Variants in SIK3 observed in about 807,000 individuals in gnomAD.
The protein encoded by SIK3 is SIK family kinase 3, also known as serine/threonine-protein kinase SIK3.
In SIK3, 28 loss-of-function variants were observed where a neutral mutation model predicts 144.2. That is an observed-to-expected ratio of 0.19 (90% confidence interval 0.14 to 0.27). The LOEUF is 0.27. SIK3 is among the 10% of genes least tolerant of loss of function. The pLI is 1.00. For synonymous variants in SIK3, 686 were observed against 676.3 expected (o/e 1.01, Z -0.22); for missense variants, 1,319 against 1,776.0 (o/e 0.74, Z 4.62).
intron 6 of SIK3, among the ~76,000 whole-genome samples, chr11:116,879,769 T>C (rs1008755157): frequency 1.8e-4 from 27 of 152,362 alleles, no homozygotes; most frequent in African/African-American, 6.5e-4. Flanking sequence ...CTCAAAGACT[T>C]CTACATTCCT....
intron 1 of SIK3, among the ~76,000 whole-genome samples, chr11:117,070,643 G>T (rs1375802248): frequency 6.6e-6 from 1 of 151,464 alleles, no homozygotes; most frequent in African/African-American, 2.4e-5. Flanking sequence ...ACAGGGTTTC[G>T]CCATGTTGGC....
At chr11:117,001,370 G>GTTTC (rs1448109074) in intron 1 of SIK3, among the ~76,000 whole-genome samples, 1 of 152,156 alleles carries the variant, frequency 6.6e-6, no homozygotes, top group East Asian at 1.9e-4. Context: ...GCCAGGCATG[G>GTTTC]CGGTGTGCAC....
At chr11:116,977,247 C>A (rs1274405557) in intron 1 of SIK3, among the ~76,000 whole-genome samples, 1 of 136,926 alleles carries the variant, frequency 7.3e-6, no homozygotes, top group Non-Finnish European at 1.6e-5. Context: ...TCCCTCCCTC[C>A]CTTCCTTCCT....
In SIK3 at chr11:117,070,734, C is replaced by T. The variant is rs553996899; in HGVS notation, c.273+27409G>A. Among the ~76,000 whole-genome samples the T allele has an allele frequency of 3.3e-5, 5 of 151,162 alleles. No individual in the cohort carries two copies. The South Asian group carries it at 8.4e-4, about 25-fold the overall frequency. Reference sequence around the variant, plus strand: ...GTGCTGGGGTTACAGGTGTGAGCCACTGCGCCCGGCCCTTTTTCTTTTTTT... The same window carrying T: ...GTGCTGGGGTTACAGGTGTGAGCCATTGCGCCCGGCCCTTTTTCTTTTTTT... On this transcript the variant is annotated intron_variant, in intron 1 of 24. Transcript: ENST00000445177.
intron 4 of SIK3, among the ~76,000 whole-genome samples, chr11:116,902,695 T>C (rs550801548): frequency 3.6e-4 from 55 of 152,314 alleles, no homozygotes; most frequent in African/African-American, 9.6e-4. Context: ...AATCCTCTAG[T>C]CTCAGAAACC....
At chr11:116,940,849 CAG>C (rs1369770613) in intron 3 of SIK3, among the ~76,000 whole-genome samples, 2 of 145,954 alleles carry the variant, frequency 1.4e-5, no homozygotes, top group African/African-American at 2.5e-5. Flanking sequence ...ATTAAGAAAA[CAG>C]AACAAAAAAT....
At chr11:117,046,256 G>T (rs1364641145) in intron 1 of SIK3, among the ~76,000 whole-genome samples, 1 of 152,190 alleles carries the variant, frequency 6.6e-6, no homozygotes, top group Non-Finnish European at 1.5e-5. Context: ...AAAATACCAT[G>T]ACACAATTAA....
At chr11:117,027,655 T>C (rs1039497599) in intron 1 of SIK3, among the ~76,000 whole-genome samples, 6 of 151,952 alleles carry the variant, frequency 3.9e-5, no homozygotes, top group African/African-American at 9.6e-5. Flanking sequence ...TTAGTAGAGA[T>C]GGGGTTTCAC....
intron 6 of SIK3, among the ~76,000 whole-genome samples, chr11:116,885,066 A>G (rs1944745178): frequency 6.6e-6 from 1 of 152,252 alleles, no homozygotes; most frequent in Admixed American, 6.5e-5. Flanking sequence ...ATTTAACTAT[A>G]AATTCCAACC....
At chr11:116,882,026 T>C (rs1404201746) in intron 6 of SIK3, among the ~76,000 whole-genome samples, 1 of 152,088 alleles carries the variant, frequency 6.6e-6, no homozygotes, top group Non-Finnish European at 1.5e-5. Flanking sequence ...AAACACATTA[T>C]TGGTATTCTG....
chr11:116,891,662 AAGAG>A (rs141597034), intron 6 of SIK3, among the ~76,000 whole-genome samples: 2 of 151,976 alleles, frequency 1.3e-5, no homozygotes, highest in African/African-American at 2.4e-5. Flanking sequence ...GTGTTTAAGT[AAGAG>A]AGAGAGAAAG....
At chr11:117,007,264 G>C (rs981152003) in intron 1 of SIK3, among the ~76,000 whole-genome samples, 4 of 152,166 alleles carry the variant, frequency 2.6e-5, no homozygotes, top group Non-Finnish European at 5.9e-5. Flanking sequence ...TGTAATCCCA[G>C]CTACTTGGGA....
intron 3 of SIK3, among the ~76,000 whole-genome samples, chr11:116,953,573 AG>A (rs1265577585): frequency 2.4e-4 from 36 of 152,222 alleles, no homozygotes; most frequent in Non-Finnish European, 4.4e-5. Context: ...AGAATTACTG[AG>A]GGGAACTGTG....
chr11:117,097,891 G>C (rs1255569655), intron 1 of SIK3, among the ~76,000 whole-genome samples: 1 of 151,690 alleles, frequency 6.6e-6, no homozygotes, highest in Non-Finnish European at 1.5e-5. Context: ...CAGCCCCGAG[G>C]ACCCCTCCCC....
At position 116,959,848 on chromosome 11, in the gene SIK3, C is replaced by T. The variant is rs191959249; in HGVS notation, c.274-2784G>A. Among the ~76,000 whole-genome samples the T allele has an allele frequency of 9.0e-4, 137 of 152,272 alleles. 1 individual carries two copies. The highest frequency in any genetic ancestry group is 6.9e-3 in the Middle Eastern group (2 of 290). ...TAACCCATCATAAGTCAAGAAATAT[C>T]TGTACTAGCAATAATGCCTTTTGTT... On this transcript the variant is annotated intron_variant, in intron 1 of 24. Transcript: ENST00000445177.
intron 3 of SIK3, among the ~76,000 whole-genome samples, chr11:116,927,869 G>A (rs892823003): frequency 4.6e-5 from 7 of 152,200 alleles, no homozygotes; most frequent in Non-Finnish European, 1.0e-4. Flanking sequence ...AGAGCACTCT[G>A]TTTAGGTTAC....
chr11:117,006,822 C>A (rs544292033), intron 1 of SIK3, among the ~76,000 whole-genome samples: 19 of 152,154 alleles, frequency 1.2e-4, no homozygotes, highest in Non-Finnish European at 2.1e-4. Context: ...TATTTTTCTC[C>A]CATAATGAAA....
At chr11:116,869,730 C>G (rs1019621990) in intron 14 of SIK3, 1 of 219,478 alleles carries the variant, frequency 4.6e-6, no homozygotes, top group African/African-American at 2.3e-5. Context: ...GTACAGCATG[C>G]CTGATGGTCA....
chr11:117,011,098 G>T (rs1951233068), intron 1 of SIK3, among the ~76,000 whole-genome samples: 1 of 151,978 alleles, frequency 6.6e-6, no homozygotes, highest in Non-Finnish European at 1.5e-5. Flanking sequence ...ACAGCCTGGG[G>T]GACAGCGTGA....
Sources: allele counts gnomAD v4.1 joint callset (sites outside exome capture counted in the v4.1 genomes callset), GRCh38; gene constraint gnomAD v4.1.1; transcripts MANE v1.5; gene names NCBI Gene and HGNC (gene_info 2026-07-23, HGNC 2026-07-21).